Variants in RUFY1 observed in about 807,000 individuals in gnomAD.
The protein encoded by RUFY1 is RUN and FYVE domain containing 1.
Under a neutral mutation model 94.6 loss-of-function variants are expected in RUFY1, and 54 were observed. The ratio of observed to expected loss-of-function variants is 0.57; its 90% CI spans 0.46 to 0.72. RUFY1 has a LOEUF of 0.72. Among genes scored for constraint, RUFY1 ranks in the 30% least tolerant of loss-of-function variants. The pLI is 0.00. For synonymous variants in RUFY1, 396 were observed against 347.3 expected, an observed-to-expected ratio of 1.14 and a Z score of -1.56; for missense variants, 883 against 883.9, an observed-to-expected ratio of 1.00 and a Z score of 0.01.
intron 1 of RUFY1, among the ~76,000 whole-genome samples, chr5:179,554,936 C>T (rs1340188642): frequency 6.6e-6 from 1 of 151,868 alleles, no homozygotes; most frequent in African/African-American, 2.4e-5. Flanking sequence ...CCACTGCACT[C>T]CAGCCTGGGT....
chr5:179,591,816 A>G (rs1765133531), intron 10 of RUFY1, 75 bp downstream of exon 10: 1 of 878,262 alleles, frequency 1.1e-6, no homozygotes, highest in Non-Finnish European at 1.8e-6. Context: ...TTTCATAGAC[A>G]TGCTTCACCA....
chr5:179,581,423 G>A (rs921546547), intron 7 of RUFY1, among the ~76,000 whole-genome samples: 8 of 150,572 alleles, frequency 5.3e-5, no homozygotes, highest in African/African-American at 1.7e-4. Flanking sequence ...AGTGATCACC[G>A]GCATCTTTAT....
At chr5:179,576,516 G>A (rs1316728427) in intron 5 of RUFY1, among the ~76,000 whole-genome samples, 1 of 152,182 alleles carries the variant, frequency 6.6e-6, no homozygotes, top group African/African-American at 2.4e-5. Flanking sequence ...CGCCTCCCAG[G>A]TTCAAGCGAT....
At chr5:179,600,220 C>G (rs1399531702) in intron 14 of RUFY1, 1 of 152,262 alleles carries the variant, frequency 6.6e-6, no homozygotes, top group African/African-American at 2.4e-5. Flanking sequence ...GAAGCAGAAG[C>G]TACGGCACAG....
rs189043969 is a variant in RUFY1 at position 179,607,740 on chromosome 5, A to G, written c.1983+81A>G. ...CCCCTTTCTCTGGTTCCAGAAGCCC[A>G]TATCAGAGCAGGCTCACTGCCCGGT... On this transcript the variant is annotated intron_variant, in intron 17 of 17. Transcript: ENST00000319449. 1.6e-4 allele frequency: 194 copies of G among 1,244,510 alleles called. 1 individual carries two copies. The Middle Eastern group carries it at 1.8e-3, about 12-fold the overall frequency. 77.1% of individuals were successfully genotyped at this position (1,244,510 alleles called of 1,614,324 possible).
chr5:179,596,997 A>G (rs1406533555), intron 13 of RUFY1: 2 of 318,118 alleles, frequency 6.3e-6, no homozygotes, highest in Admixed American at 4.4e-5. Context: ...TTGAACAGAA[A>G]GTCACCTTTC....
chr5:179,603,273 AAAAAC>A (rs1304839421), intron 15 of RUFY1, among the ~76,000 whole-genome samples: 2 of 151,796 alleles, frequency 1.3e-5, no homozygotes, highest in Non-Finnish European at 1.5e-5. Context: ...CTCAAAAAAA[AAAAAC>A]AAATAGCTGG....
rs1764108484 is a variant in RUFY1, at chr5:179,580,957, A to C, written c.901A>C (p.Ile301Leu). 6.2e-7 allele frequency: 1 copy of C among 1,602,060 alleles called. No individual in the cohort carries two copies. Among genetic ancestry groups the C allele is most frequent in the South Asian group, 1.1e-5 (1 of 89,262 alleles). Residue 301 changes from isoleucine (I) to leucine (L), a missense_variant, in exon 7 of 18, where the codon ATT becomes CTT. Physicochemically the swap from Ile to Leu is conservative, Grantham distance 5 (BLOSUM62 2). Coordinates refer to ENST00000319449, the MANE Select transcript of RUFY1 (RefSeq NM_025158.5). ...DLDGGKEHER[I>L]TDVLDQKNYV... ...TGCTCCTTTTAAAAGGCATGAAAGA[A>C]TTACTGATGTCCTTGATCAAAAAAA... is the stretch of plus-strand genomic sequence containing the variant.
In RUFY1 at chr5:179,609,483, C is replaced by T; in HGVS notation, c.2091C>T (p.Thr697=). 6.2e-7 allele frequency: 1 copy of T among 1,610,704 alleles called. No individual in the cohort carries two copies. The highest frequency in any genetic ancestry group is 8.5e-7 in the Non-Finnish European group (1 of 1,179,818). ...TGCGAGTGTGCGACAGCTGCCACAC[C>T]CTGCTCCTGCAGCGCTGCTCCTCCA... ...KPVRVCDSCH[T]LLLQRCSSTA... The change falls in exon 18 of 18, where the codon ACC becomes ACT. Residue 697 remains threonine (T), a synonymous_variant. Transcript: ENST00000319449.
At position 179,561,700 on chromosome 5, in the gene RUFY1, T is replaced by TTTTTTTTTG. The variant is rs764059834; in HGVS notation, c.485-844_485-843insTTTTTGTTT. On this transcript the variant is annotated intron_variant, in intron 2 of 17. Transcript: ENST00000319449. ...TTTCTTTTTTTTTTTTTTTTTTTTT[T>TTTTTTTTTG]TTTGAAGAGTCTCGCTCTGTCCCCC... 5.7e-3 allele frequency among the ~76,000 whole-genome samples: 547 copies of TTTTTTTTTG among 95,566 alleles called. 32 individuals are homozygous for TTTTTTTTTG. Among genetic ancestry groups the TTTTTTTTTG allele is most frequent in the African/African-American group, 0.021 (489 of 23,320 alleles). 62.7% of individuals were successfully genotyped at this position (95,566 alleles called of 152,430 possible).
intron 13 of RUFY1, chr5:179,598,462 C>T (rs1368701830): frequency 3.5e-6 from 2 of 570,908 alleles, no homozygotes; most frequent in African/African-American, 3.8e-5. Context: ...TCTCTTCCTT[C>T]TCCCCTGCGT....
chr5:179,567,413 G>A (rs1762908643), intron 3 of RUFY1, 48 bp from the exon 4 acceptor site: 2 of 1,406,754 alleles, frequency 1.4e-6, no homozygotes, highest in South Asian at 1.2e-5. Context: ...TCTTTTCTGT[G>A]TTTGTTGTTG....
rs1356409181 is a variant in RUFY1 at position 179,609,778 on chromosome 5, T to C, written c.*259T>C. ...CTCTGGTTCAGATACAACTTCATGA[T>C]TTTGCTACTATCATTTTTCACTTTT... is the stretch of plus-strand genomic sequence containing the variant. On this transcript the variant is annotated 3_prime_UTR_variant, in exon 18 of 18. Transcript: ENST00000319449. 1 of 402,364 alleles carries C rather than the reference T, an allele frequency of 2.5e-6. No individual in the cohort carries two copies. The highest frequency in any genetic ancestry group is 2.1e-5 in the African/African-American group (1 of 48,646). The allele number at this position is 402,364 out of a possible 1,614,324, so 24.9% of individuals were successfully genotyped here. A position where few individuals can be genotyped will look rare whatever the true frequency, so the allele number is the denominator to read the frequency against.
At chr5:179,567,044 C>G (rs1044357387) in intron 3 of RUFY1, among the ~76,000 whole-genome samples, 1 of 151,920 alleles carries the variant, frequency 6.6e-6, no homozygotes, top group African/African-American at 2.4e-5. Flanking sequence ...ACAGGCAAGA[C>G]TCTATCTCAA....
chr5:179,608,913 A>G (rs1282096677), intron 17 of RUFY1, among the ~76,000 whole-genome samples: 2 of 94,436 alleles, frequency 2.1e-5, no homozygotes, highest in African/African-American at 8.1e-5. Context: ...CCTGGGCGAC[A>G]GAGACTCAAA....
At chr5:179,604,996 G>GA (rs1409339272) in intron 15 of RUFY1, among the ~76,000 whole-genome samples, 4 of 136,888 alleles carry the variant, frequency 2.9e-5, no homozygotes, top group Non-Finnish European at 6.3e-5. Context: ...AAAAAAAAAA[G>GA]AAAAAAAGAA....
At chr5:179,608,078 C>T (rs372115111) in intron 17 of RUFY1, among the ~76,000 whole-genome samples, 1 of 152,198 alleles carries the variant, frequency 6.6e-6, no homozygotes, top group Non-Finnish European at 1.5e-5. Context: ...ATCTAGGCAG[C>T]GTGCTTGCCC....
rs748319712 is a variant in RUFY1, at chr5:179,577,159, C to CTTTTTTTTT, written c.890+45_890+53dup. The CTTTTTTTTT allele has an allele frequency of 7.6e-4, 141 of 186,706 alleles. 19 individuals carry two copies. Among genetic ancestry groups the CTTTTTTTTT allele is most frequent in the South Asian group, 1.4e-3 (32 of 22,350 alleles). The allele number at this position is 186,706 out of a possible 1,614,324, so 11.6% of individuals were successfully genotyped here. A position where few individuals can be genotyped will look rare whatever the true frequency, so the allele number is the denominator to read the frequency against. On this transcript the variant is annotated intron_variant, in intron 6 of 17. Transcript: ENST00000319449. ...GGAGTAAGTACTGCGTTGTATGTCACTTTTTTTTTTTTTTTTTTTTTTTTT... is the reference window on the plus strand; with the variant it reads ...GGAGTAAGTACTGCGTTGTATGTCACTTTTTTTTTTTTTTTTTTTTTTTTTTTTTTTTTT...
intron 8 of RUFY1, 124 bp downstream of exon 8, chr5:179,585,989 T>TA: frequency 1.4e-6 from 1 of 737,876 alleles, no homozygotes; most frequent in Non-Finnish European, 2.4e-6. Flanking sequence ...AGCCTCCAGC[T>TA]ACCCCACGTG....
Sources: allele counts gnomAD v4.1 joint callset (sites outside exome capture counted in the v4.1 genomes callset), GRCh38; gene constraint gnomAD v4.1.1; transcripts MANE v1.5; gene names NCBI Gene and HGNC (gene_info 2026-07-23, HGNC 2026-07-21).